The following MACROD2 variants were observed in gnomAD, a reference collection of about 807,000 sequenced individuals.
The protein encoded by MACROD2 is ADP-ribose glycohydrolase MACROD2.
In MACROD2, 36 loss-of-function variants were observed where a neutral mutation model predicts 70.4. That is an observed-to-expected ratio of 0.51 (90% confidence interval 0.39 to 0.68). MACROD2 has a LOEUF of 0.68. MACROD2 is among the 30% of genes least tolerant of loss of function. MACROD2 has a pLI of 0.00. For missense variants in MACROD2, 496 were observed against 538.4 expected (o/e 0.92, Z 0.78); for synonymous variants, 172 against 178.8 (o/e 0.96, Z 0.30).
chr20:14,003,160 T>C (rs1202924826), intron 2 of MACROD2, among the ~76,000 whole-genome samples: 1 of 152,226 alleles, frequency 6.6e-6, no homozygotes, highest in Non-Finnish European at 1.5e-5. Flanking sequence ...TGAAACATGC[T>C]AATTTCAAAG....
intron 6 of MACROD2, among the ~76,000 whole-genome samples, chr20:15,343,427 G>A (rs567178049): frequency 6.6e-6 from 1 of 152,268 alleles, no homozygotes; most frequent in East Asian, 1.9e-4. Flanking sequence ...TATAAGTAAG[G>A]CAGTGATTCA....
At chr20:14,107,328 A>G (rs897012799) in intron 3 of MACROD2, among the ~76,000 whole-genome samples, 1 of 152,190 alleles carries the variant, frequency 6.6e-6, no homozygotes, top group Non-Finnish European at 1.5e-5. Flanking sequence ...GCTCAAAGAC[A>G]GGCTATTAAA....
At chr20:14,486,062 A>T (rs1221100503) in intron 3 of MACROD2, among the ~76,000 whole-genome samples, 5 of 152,116 alleles carry the variant, frequency 3.3e-5, no homozygotes, top group Admixed American at 3.3e-4. Flanking sequence ...CGGGAAACAG[A>T]TGATGCAGTC....
At chr20:15,406,258 A>C (rs1666795021) in intron 6 of MACROD2, among the ~76,000 whole-genome samples, 1 of 152,206 alleles carries the variant, frequency 6.6e-6, no homozygotes, top group Non-Finnish European at 1.5e-5. Context: ...GCTCAGGGAA[A>C]GTGTCCAGCA....
At chr20:15,135,152 C>A (rs1265565018) in intron 5 of MACROD2, among the ~76,000 whole-genome samples, 2 of 151,616 alleles carry the variant, frequency 1.3e-5, no homozygotes, top group African/African-American at 4.8e-5. Flanking sequence ...GGAGCTGGTA[C>A]CATTCCTTCT....
chr20:15,831,698 G>A (rs981436189), intron 8 of MACROD2, among the ~76,000 whole-genome samples: 7 of 151,984 alleles, frequency 4.6e-5, no homozygotes, highest in Non-Finnish European at 1.0e-4. Context: ...ATTGTGCCCA[G>A]GATTTTGTCT....
chr20:14,677,942 A>G (rs2070882285), intron 4 of MACROD2, among the ~76,000 whole-genome samples: 1 of 152,200 alleles, frequency 6.6e-6, no homozygotes, highest in Non-Finnish European at 1.5e-5. Flanking sequence ...AGTGGAACAA[A>G]AATTGCCATC....
rs142847521 is a variant in MACROD2, at chr20:14,119,053, G to A, written c.271+33325G>A. Reference sequence around the variant, plus strand: ...AGTAGAGAAGGGATTTCACCATGTTGGCCAGGCTGGTCTCGAACTCCTGAC... The same window carrying A: ...AGTAGAGAAGGGATTTCACCATGTTAGCCAGGCTGGTCTCGAACTCCTGAC... On this transcript the variant is annotated intron_variant, in intron 3 of 17. Transcript: ENST00000684519. Among the ~76,000 whole-genome samples the A allele has an allele frequency of 7.3e-3, 1,109 of 151,402 alleles. 15 individuals are homozygous for A. Among genetic ancestry groups the A allele is most frequent in the African/African-American group, 0.025 (1,039 of 41,238 alleles).
rs144918419 is a variant in MACROD2 at position 14,001,819 on chromosome 20, A to G, written c.47-469A>G. Reference sequence around the variant, plus strand: ...AGAGGGTTGGGGGGAAGTGCCACACACTTTCAAACAACCAGATCTCACGAA... The same window carrying G: ...AGAGGGTTGGGGGGAAGTGCCACACGCTTTCAAACAACCAGATCTCACGAA... On this transcript the variant is annotated intron_variant, in intron 1 of 17. Transcript: ENST00000684519. 5.6e-3 allele frequency among the ~76,000 whole-genome samples: 860 copies of G among 152,248 alleles called. 14 individuals carry two copies. Among genetic ancestry groups the G allele is most frequent in the African/African-American group, 0.02 (822 of 41,542 alleles).
At chr20:14,052,462 A>C (rs994326809) in intron 2 of MACROD2, among the ~76,000 whole-genome samples, 3 of 152,044 alleles carry the variant, frequency 2.0e-5, no homozygotes, top group African/African-American at 7.2e-5. Flanking sequence ...CTTGTTGATG[A>C]TCTCTTCTTT....
intron 3 of MACROD2, among the ~76,000 whole-genome samples, chr20:14,376,263 A>T (rs1568584070): frequency 6.6e-6 from 1 of 151,966 alleles, no homozygotes; most frequent in Non-Finnish European, 1.5e-5. Flanking sequence ...TTTTATTTAA[A>T]TTTTTTCAAT....
At chr20:14,515,197 TAAAA>T (rs1479064386) in intron 4 of MACROD2, among the ~76,000 whole-genome samples, 2 of 151,950 alleles carry the variant, frequency 1.3e-5, no homozygotes, top group Non-Finnish European at 2.9e-5. Flanking sequence ...GAATAACACA[TAAAA>T]GAAATATTTC....
intron 3 of MACROD2, among the ~76,000 whole-genome samples, chr20:14,225,493 A>G (rs1404482638): frequency 6.6e-6 from 1 of 152,240 alleles, no homozygotes; most frequent in Non-Finnish European, 1.5e-5. Context: ...CTTTTCAAAT[A>G]TGATTCTCAC....
intron 8 of MACROD2, among the ~76,000 whole-genome samples, chr20:15,536,917 C>G (rs780495946): frequency 6.6e-6 from 1 of 152,120 alleles, no homozygotes; most frequent in Non-Finnish European, 1.5e-5. Context: ...GATGGATAAT[C>G]TCACTACTGC....
intron 8 of MACROD2, among the ~76,000 whole-genome samples, chr20:15,791,964 G>C (rs1190882539): frequency 6.6e-6 from 1 of 151,894 alleles, no homozygotes; most frequent in African/African-American, 2.4e-5. Context: ...AAAATGCTTT[G>C]AAATGTTTCG....
chr20:14,471,570 G>A (rs2084531269), intron 3 of MACROD2, among the ~76,000 whole-genome samples: 1 of 152,052 alleles, frequency 6.6e-6, no homozygotes, highest in Admixed American at 6.5e-5. Context: ...GTTAATTGAT[G>A]GCACTGTTAT....
chr20:15,295,929 C>A (rs1664320334), intron 6 of MACROD2, among the ~76,000 whole-genome samples: 1 of 152,136 alleles, frequency 6.6e-6, no homozygotes. Context: ...TAGCTCACTG[C>A]CACATTGGCA....
intron 4 of MACROD2, among the ~76,000 whole-genome samples, chr20:14,611,462 T>G (rs1483237448): frequency 6.6e-6 from 1 of 151,518 alleles, no homozygotes; most frequent in African/African-American, 2.4e-5. Flanking sequence ...GTTTTTTTTT[T>G]TTTTTTTTTT....
intron 5 of MACROD2, chr20:14,934,827 G>C (rs1427643912): frequency 6.6e-6 from 1 of 151,948 alleles, no homozygotes; most frequent in Non-Finnish European, 1.5e-5. Flanking sequence ...TAAAAGAAAA[G>C]GTTTAACAAA....
Sources: allele counts gnomAD v4.1 joint callset (sites outside exome capture counted in the v4.1 genomes callset), GRCh38; gene constraint gnomAD v4.1.1; transcripts MANE v1.5; gene names NCBI Gene and HGNC (gene_info 2026-07-23, HGNC 2026-07-21).